Variants in STARD4 observed in about 807,000 individuals in gnomAD.
The protein encoded by STARD4 is StAR related lipid transfer domain containing 4, also known as stAR-related lipid transfer protein 4.
Under a neutral mutation model 24.9 loss-of-function variants are expected in STARD4, and 33 were observed. The observed-to-expected ratio is 1.32, with a 90% CI of 1.00 to 1.77. The LOEUF is 1.77. Among genes scored for constraint, STARD4 ranks in the 40% most tolerant of loss-of-function variants. The pLI, the probability that STARD4 is intolerant of heterozygous loss-of-function variation, is 0.00. For synonymous variants in STARD4, 88 were observed against 77.4 expected (o/e 1.14, Z -0.72); for missense variants, 238 against 249.3 (o/e 0.95, Z 0.31).
intron 5 of STARD4, 35 bp downstream of exon 5, chr5:111,500,967 T>G: frequency 1.2e-6 from 2 of 1,613,332 alleles, no homozygotes; most frequent in Non-Finnish European, 1.7e-6. Flanking sequence ...ATTTAAACCA[T>G]ACTGAAAAAA....
rs1338454159 is a variant in STARD4, at chr5:111,502,819, G to T, written c.156-731C>A. Among the ~76,000 whole-genome samples the T allele has an allele frequency of 2.0e-5, 3 of 146,628 alleles. No individual in the cohort carries two copies. In the South Asian group the frequency reaches 6.5e-4, roughly 32 times the overall value. ...AAAAAAAAAATAATAATAATGAAGG[G>T]TTTTTTTTTTTCTAAAGGGAATAAA... is the stretch of plus-strand genomic sequence containing the variant. On this transcript the variant is annotated intron_variant, in intron 3 of 5. Transcript: ENST00000296632.
chr5:111,500,675 T>C, intron 5 of STARD4: 3 of 1,308,050 alleles, frequency 2.3e-6, no homozygotes, highest in South Asian at 4.1e-5. Flanking sequence ...AGTACTTCTC[T>C]GTGTATGACC....
chr5:111,497,358 C>T lies in STARD4; in HGVS notation c.*2528G>A, dbSNP rs1197619512. ...AAGATTTCCATTTAAGATATTATTC[C>T]GTATTATTGTCTATTTCATCTTACT... On this transcript the variant is annotated 3_prime_UTR_variant, in exon 6 of 6. Transcript: ENST00000296632. The T allele has an allele frequency of 1.3e-5, 2 of 151,858 alleles. No individual in the cohort carries two copies. The highest frequency in any genetic ancestry group is 4.8e-5 in the African/African-American group (2 of 41,384). The allele number at this position is 151,858 out of a possible 1,614,324, so 9.4% of individuals were successfully genotyped here.
chr5:111,500,210 C>T, intron 5 of STARD4, 104 bp from the exon 6 acceptor site: 1 of 1,384,068 alleles, frequency 7.2e-7, no homozygotes, highest in Non-Finnish European at 9.4e-7. Context: ...TATTATTATC[C>T]ATATAGATGA....
At position 111,501,969 on chromosome 5, in the gene STARD4, A is replaced by G; in HGVS notation, c.275T>C (p.Phe92Ser). 6.2e-7 allele frequency: 1 copy of G among 1,614,094 alleles called. No individual in the cohort carries two copies. Among genetic ancestry groups the G allele is most frequent in the South Asian group, 1.1e-5 (1 of 91,086 alleles). ...LMTSLDILEN[F>S]EENCCVMRYT... is the part of the protein sequence containing the mutation. ...ATGTTTCTAAATAGATACCTCTTCA[A>G]AGTTCTCCAGAATATCCAAAGAAGT... Residue 92 changes from phenylalanine (F) to serine (S), a missense_variant, in exon 4 of 6, where the codon TTT becomes TCT. Phe to Ser is a radical substitution (Grantham distance 155). Transcript: ENST00000296632.
intron 4 of STARD4, among the ~76,000 whole-genome samples, chr5:111,501,574 C>G (rs1756456974): frequency 6.6e-6 from 1 of 152,128 alleles, no homozygotes; most frequent in South Asian, 2.1e-4. Flanking sequence ...GCATTTTTAT[C>G]TTTGGTCATT....
rs1195706821 is a variant in STARD4 at position 111,499,642 on chromosome 5, C to T, written c.*244G>A. 2.0e-6 allele frequency: 1 copy of T among 492,460 alleles called. No homozygotes were observed. Among genetic ancestry groups the T allele is most frequent in the Non-Finnish European group, 3.6e-6 (1 of 274,164 alleles). The allele number at this position is 492,460 out of a possible 1,614,324, so 30.5% of individuals were successfully genotyped here. On this transcript the variant is annotated 3_prime_UTR_variant, in exon 6 of 6. Transcript: ENST00000296632. ...AAGCTGCAGTGAGCTGTGATCATAC[C>T]ACTGCCCTCCAGCATGGGCAACAGA...
intron 1 of STARD4, among the ~76,000 whole-genome samples, chr5:111,510,820 G>T (rs1017841787): frequency 6.6e-6 from 1 of 152,126 alleles, no homozygotes. Flanking sequence ...GATGGCATAG[G>T]TTCTATTTTA....
Position 111,499,594 on chromosome 5 carries a change from TA to T in STARD4, c.*291del. 3.1e-6 allele frequency: 1 copy of T among 322,782 alleles called. No homozygotes were observed. Among genetic ancestry groups the T allele is most frequent in the Non-Finnish European group, 5.7e-6 (1 of 174,858 alleles). The allele number at this position is 322,782 out of a possible 1,614,324, so 20.0% of individuals were successfully genotyped here. ...AGCTATTCAGGAGGCTGAGGTAGAA[TA>T]ACCCCTTGAGCGGTCAGATCAAAGC... is the stretch of plus-strand genomic sequence containing the variant. On this transcript the variant is annotated 3_prime_UTR_variant, in exon 6 of 6. Transcript: ENST00000296632.
rs1393777837 is a variant in STARD4, at chr5:111,507,033, A to C, written c.105+296T>G. On this transcript the variant is annotated intron_variant, in intron 2 of 5. Transcript: ENST00000296632. This position sits in a 1 kb window ranked among gnomAD's most constrained non-coding sequence, Gnocchi z 4.4. ...CTCAAGTACTACACTTTCTTAAATT[A>C]ATAATGATACATTTTATTTGCTGAC... 2.6e-5 allele frequency among the ~76,000 whole-genome samples: 4 copies of C among 152,188 alleles called. No individual in the cohort carries two copies. Among genetic ancestry groups the C allele is most frequent in the African/African-American group, 9.6e-5 (4 of 41,456 alleles).
In STARD4 at chr5:111,497,207, T is replaced by C. The variant is rs1401575122; in HGVS notation, c.*2679A>G. 1 of 152,178 alleles carries C rather than the reference T, an allele frequency of 6.6e-6. No homozygotes were observed. The highest frequency in any genetic ancestry group is 1.9e-4 in the East Asian group (1 of 5,188). 9.4% of individuals were successfully genotyped at this position (152,178 alleles called of 1,614,324 possible). A position where few individuals can be genotyped will look rare whatever the true frequency, so the allele number is the denominator to read the frequency against. ...TATTCTTTCATTTCACCAACTGCCA[T>C]ATCAAAAGTTACTTATCTTTGAAGG... On this transcript the variant is annotated 3_prime_UTR_variant, in exon 6 of 6. Coordinates refer to ENST00000296632, the MANE Select transcript of STARD4 (RefSeq NM_139164.3).
chr5:111,506,321 G>T lies in STARD4; in HGVS notation c.155+9C>A. 1 of 1,451,104 alleles carries T rather than the reference G, an allele frequency of 6.9e-7. No homozygotes were observed. Among genetic ancestry groups the T allele is most frequent in the Non-Finnish European group, 9.5e-7 (1 of 1,057,394 alleles). The allele number at this position is 1,451,104 out of a possible 1,614,324, so 89.9% of individuals were successfully genotyped here. On this transcript the variant is annotated intron_variant, in intron 3 of 5. Transcript: ENST00000296632. ...TAAGAGCTGTGTAAGTCTATAAAAAGTTACTTACAGATATCCATTAAATTC... is the reference window on the plus strand; with the variant it reads ...TAAGAGCTGTGTAAGTCTATAAAAATTTACTTACAGATATCCATTAAATTC...
At position 111,500,095 on chromosome 5, in the gene STARD4, C is replaced by A. The variant is rs1580843197; in HGVS notation, c.409G>T (p.Asp137Tyr). 1 of 1,608,536 alleles carries A rather than the reference C, an allele frequency of 6.2e-7. No individual in the cohort carries two copies. The highest frequency in any genetic ancestry group is 8.5e-7 in the Non-Finnish European group (1 of 1,175,706). ...AATTCTGGTCTCTTTTCATCCCAGT[C>A]AAGACTTATTCCTATAAGGCAATTT... ...EGLLSCGISL[D>Y]WDEKRPEFVR... Residue 137 changes from aspartate (D) to tyrosine (Y), a missense_variant, in exon 6 of 6, where the codon GAC (aspartate) becomes TAC (tyrosine). Asp to Tyr is a radical substitution (Grantham distance 160). Transcript: ENST00000296632.
chr5:111,499,681 T>C lies in STARD4; in HGVS notation c.*205A>G. The C allele has an allele frequency of 1.8e-6, 1 of 564,810 alleles. No individual in the cohort carries two copies. Among genetic ancestry groups the C allele is most frequent in the South Asian group, 2.2e-5 (1 of 46,380 alleles). 35.0% of individuals were successfully genotyped at this position (564,810 alleles called of 1,614,324 possible). A position where few individuals can be genotyped will look rare whatever the true frequency, so the allele number is the denominator to read the frequency against. ...ATGGGCAACAGAGTGAGAGCCTGTC[T>C]CAAAATTTAAAAAAAAAAAAGTGAA... On this transcript the variant is annotated 3_prime_UTR_variant, in exon 6 of 6. Transcript: ENST00000296632.
intron 4 of STARD4, 123 bp from the exon 5 acceptor site, chr5:111,501,239 T>C: frequency 9.4e-7 from 1 of 1,064,232 alleles, no homozygotes; most frequent in East Asian, 2.8e-5. Flanking sequence ...TTATAATAAT[T>C]CTTACACTGA....
In STARD4 at chr5:111,496,337, TC is replaced by T. The variant is rs1756092741; in HGVS notation, c.*3548del. The T allele has an allele frequency of 6.6e-6, 1 of 152,074 alleles. No individual in the cohort carries two copies. The highest frequency in any genetic ancestry group is 1.5e-5 in the Non-Finnish European group (1 of 68,010). 9.4% of individuals were successfully genotyped at this position (152,074 alleles called of 1,614,324 possible). On this transcript the variant is annotated 3_prime_UTR_variant, in exon 6 of 6. Transcript: ENST00000296632. ...TTCTGATGTTTCTTCTACACTCAAG[TC>T]CCAACCTTCTCTACTTCTAGAAGTT...
intron 4 of STARD4, 149 bp from the exon 5 acceptor site, chr5:111,501,265 A>G: frequency 1.1e-6 from 1 of 888,992 alleles, no homozygotes; most frequent in Non-Finnish European, 1.6e-6. Flanking sequence ...ACAGGTCTAG[A>G]TCTCTATTCT....
chr5:111,499,959 G>A lies in STARD4; in HGVS notation c.545C>T (p.Pro182Leu). 2 of 1,614,106 alleles carry A rather than the reference G, an allele frequency of 1.2e-6. No homozygotes were observed. The highest frequency in any genetic ancestry group is 1.7e-6 in the Non-Finnish European group (2 of 1,180,012). The part of the protein sequence containing the change: ...YIQTDLRGMI[P>L]QSAVDTAMAS... ...CATGGCTGTATCTACCGCAGACTGA[G>A]GAATCATCCCACGCAGATCTGTCTG... The change falls in exon 6 of 6, where the codon CCT becomes CTT. Residue 182 changes from proline to leucine, a missense_variant. Transcript: ENST00000296632.
At chr5:111,504,515 C>T (rs1298064238) in intron 3 of STARD4, among the ~76,000 whole-genome samples, 1 of 151,958 alleles carries the variant, frequency 6.6e-6, no homozygotes, top group African/African-American at 2.4e-5. Context: ...GAAACAGGAA[C>T]AACACACATA....
Sources: allele counts gnomAD v4.1 joint callset (sites outside exome capture counted in the v4.1 genomes callset), GRCh38; gene constraint gnomAD v4.1.1; non-coding constraint Gnocchi (gnomAD v3.1); transcripts MANE v1.5; gene names NCBI Gene and HGNC (gene_info 2026-07-23, HGNC 2026-07-21).